Variants in TMC8 observed in about 807,000 individuals in gnomAD.
TMC8 encodes the protein transmembrane channel-like protein 8.
A neutral mutation model predicts 76.0 loss-of-function variants in TMC8; 71 were observed. The ratio of observed to expected loss-of-function variants is 0.93; its 90% CI spans 0.77 to 1.14. TMC8 has a LOEUF of 1.14. Ranked by LOEUF, TMC8 falls within the 50% of genes most tolerant of loss-of-function variation. The probability of loss-of-function intolerance (pLI) is 0.00; values close to 1 mark genes in which losing one functional copy is unlikely to be tolerated. For synonymous variants in TMC8, 433 were observed against 433.8 expected (o/e 1.00, Z 0.02); for missense variants, 924 against 947.9 (o/e 0.97, Z 0.33).
At position 78,133,937 on chromosome 17, in the gene TMC8, C is replaced by T; in HGVS notation, c.753C>T (p.Asp251=). ...GCGCCAAGGTCTTCTCCTCATGGGA[C>T]TTCTGCATCCGGGTGCAGGAAGCAG... The part of the protein sequence containing the change: ...PLSAKVFSSW[D]FCIRVQEAAT... The change falls in exon 7 of 16, where the codon GAC becomes GAT. Residue 251 remains aspartate, a synonymous_variant. Transcript: ENST00000318430. 6.2e-7 allele frequency: 1 copy of T among 1,613,684 alleles called. No homozygotes were observed. Among genetic ancestry groups the T allele is most frequent in the African/African-American group, 1.3e-5 (1 of 75,080 alleles).
chr17:78,138,840 A>G (rs767181308), intron 14 of TMC8, 108 bp downstream of exon 14: 13 of 1,558,770 alleles, frequency 8.3e-6, no homozygotes, highest in Admixed American at 5.6e-5. Flanking sequence ...AGACGCAGAA[A>G]GCCAAGGGAA....
At position 78,141,774 on chromosome 17, in the gene TMC8, G is replaced by A. The variant is rs2075376554; in HGVS notation, c.*662G>A. Reference sequence around the variant, plus strand: ...GACTGAAGCCTGGTGAGAGCGTGCTGGGTCAGCCTCTCCCTGGCGGGAATC... The same window carrying A: ...GACTGAAGCCTGGTGAGAGCGTGCTAGGTCAGCCTCTCCCTGGCGGGAATC... On this transcript the variant is annotated 3_prime_UTR_variant, in exon 16 of 16. Transcript: ENST00000318430. 6.6e-6 allele frequency: 1 copy of A among 152,328 alleles called. No individual in the cohort carries two copies. Among genetic ancestry groups the A allele is most frequent in the African/African-American group, 2.4e-5 (1 of 41,478 alleles). 9.4% of individuals were successfully genotyped at this position (152,328 alleles called of 1,614,324 possible). A position where few individuals can be genotyped will look rare whatever the true frequency, so the allele number is the denominator to read the frequency against.
chr17:78,131,857 C>T (rs549437459), intron 2 of TMC8, 25 bp from the exon 3 acceptor site: 20 of 1,466,468 alleles, frequency 1.4e-5, no homozygotes, highest in African/African-American at 2.8e-5. Flanking sequence ...GACTCAGGGG[C>T]GCCCCTGTCA....
intron 15 of TMC8, 86 bp downstream of exon 15, chr17:78,139,326 A>G (rs2075316036): frequency 6.7e-7 from 1 of 1,503,522 alleles, no homozygotes; most frequent in Admixed American, 1.7e-5. Context: ...AACACGTCTG[A>G]GCGGGTCAGG....
Position 78,131,478 on chromosome 17 carries a change from A to G in TMC8, c.-111A>G, listed in dbSNP as rs560558907. The G allele has an allele frequency of 6.2e-6, 9 of 1,451,712 alleles. No individual in the cohort carries two copies. The South Asian group carries it at 8.6e-5, about 14-fold the overall frequency. The allele number at this position is 1,451,712 out of a possible 1,614,324, so 89.9% of individuals were successfully genotyped here. A position where few individuals can be genotyped will look rare whatever the true frequency, so the allele number is the denominator to read the frequency against. ...AGAGGGGACGGAAGGGCCCGCCCCCAGCCCAGCGTGCACAGAGGCCATAGC... is the reference window on the plus strand; with the variant it reads ...AGAGGGGACGGAAGGGCCCGCCCCCGGCCCAGCGTGCACAGAGGCCATAGC... On this transcript the variant is annotated 5_prime_UTR_variant, in exon 2 of 16. Coordinates refer to ENST00000318430, the MANE Select transcript of TMC8 (RefSeq NM_152468.5).
rs1460418043 is a variant in TMC8 at position 78,131,541 on chromosome 17, C to A, written c.-48C>A. 5.9e-6 allele frequency: 9 copies of A among 1,536,294 alleles called. No individual in the cohort carries two copies. The African/African-American group carries it at 9.6e-5, about 16-fold the overall frequency. On this transcript the variant is annotated 5_prime_UTR_variant, in exon 2 of 16. Coordinates refer to ENST00000318430, the MANE Select transcript of TMC8 (RefSeq NM_152468.5). ...GCTCATCCAACCGGGGACTCATATC[C>A]CCCCCACCGGCAGCCCGGCGCCCCA...
intron 4 of TMC8, 76 bp downstream of exon 4, chr17:78,132,584 C>G (rs1220067768): frequency 1.9e-6 from 3 of 1,550,530 alleles, no homozygotes. Flanking sequence ...GGGCCCAGAG[C>G]GTGGCGACAA....
At chr17:78,132,618 A>G in intron 4 of TMC8, 110 bp downstream of exon 4, 1 of 1,518,856 alleles carries the variant, frequency 6.6e-7, no homozygotes, top group Non-Finnish European at 8.9e-7. Context: ...CCTGCCGTGC[A>G]GGCCCCGGGG....
In TMC8 at chr17:78,139,260, G is replaced by A; in HGVS notation, c.1902+20G>A. ...GTGTGGGTGAGTGTCCTCGGGGCTG[G>A]TGAGGGGACAGCAGCTTCAGTGGAA... is the stretch of plus-strand genomic sequence containing the variant. On this transcript the variant is annotated intron_variant, in intron 15 of 15. Coordinates refer to ENST00000318430, the MANE Select transcript of TMC8 (RefSeq NM_152468.5). The A allele has an allele frequency of 1.2e-6, 2 of 1,612,718 alleles. No homozygotes were observed. Among genetic ancestry groups the A allele is most frequent in the South Asian group, 2.2e-5 (2 of 91,056 alleles).
chr17:78,135,945 C>G (rs1175204731), intron 9 of TMC8, among the ~76,000 whole-genome samples: 3 of 152,006 alleles, frequency 2.0e-5, no homozygotes, highest in Non-Finnish European at 2.9e-5. Flanking sequence ...TCCCAGCTAC[C>G]CGGGAAGCTG....
chr17:78,131,515 G>A lies in TMC8; in HGVS notation c.-74G>A. ...ACAGAGGCCATAGCCAAGGCCTTAA[G>A]GCTCATCCAACCGGGGACTCATATC... On this transcript the variant is annotated 5_prime_UTR_variant, in exon 2 of 16. Transcript: ENST00000318430. 3.3e-6 allele frequency: 5 copies of A among 1,530,254 alleles called. No individual in the cohort carries two copies. In the South Asian group the frequency reaches 6.0e-5, roughly 18 times the overall value. The allele number at this position is 1,530,254 out of a possible 1,614,324, so 94.8% of individuals were successfully genotyped here.
chr17:78,138,870 A>G, intron 14 of TMC8, 138 bp downstream of exon 14: 2 of 1,540,364 alleles, frequency 1.3e-6, no homozygotes, highest in South Asian at 1.2e-5. Flanking sequence ...TCTGAAAAGC[A>G]GGAACCTCCT....
chr17:78,131,763 G>C (rs1458761601), intron 2 of TMC8, 26 bp downstream of exon 2: 16 of 1,566,044 alleles, frequency 1.0e-5, no homozygotes, highest in Non-Finnish European at 1.3e-5. Flanking sequence ...GCGCCAGACG[G>C]TGCGTGGGGG....
chr17:78,138,097 G>C lies in TMC8; in HGVS notation c.1442G>C (p.Gly481Ala). The C allele has an allele frequency of 6.2e-7, 1 of 1,614,020 alleles. No individual in the cohort carries two copies. Among genetic ancestry groups the C allele is most frequent in the Non-Finnish European group, 8.5e-7 (1 of 1,180,012 alleles). The change falls in exon 12 of 16, where the codon GGG becomes GCG. Residue 481 changes from glycine (G) to alanine (A), a missense_variant. Physicochemically the swap from Gly to Ala is moderately conservative, Grantham distance 60. Transcript: ENST00000318430. The stretch of plus-strand genomic sequence containing the variant: ...AAGAATGTGCTGGACATCGTGGCGG[G>C]GCAGACGGTCACCTGGATGGGCCTC... Reference protein sequence around the residue: ...VPKNVLDIVAGQTVTWMGLFY... With the variant: ...VPKNVLDIVAAQTVTWMGLFY...
chr17:78,137,648 AGG>A, intron 10 of TMC8, 67 bp from the exon 11 acceptor site: 1 of 1,405,448 alleles, frequency 7.1e-7, no homozygotes, highest in Non-Finnish European at 1.0e-6. Context: ...AAACCCTCAC[AGG>A]AGGCTAAGGG....
At chr17:78,137,913 G>A in intron 11 of TMC8, 92 bp from the exon 12 acceptor site, 1 of 1,596,994 alleles carries the variant, frequency 6.3e-7, no homozygotes, top group Admixed American at 1.7e-5. Flanking sequence ...CCAGTGTGGA[G>A]CCCGGGAGTA....
chr17:78,136,019 A>C (rs2075218931), intron 9 of TMC8, among the ~76,000 whole-genome samples: 1 of 152,056 alleles, frequency 6.6e-6, no homozygotes, highest in Admixed American at 6.6e-5. Context: ...GCGCCACTAC[A>C]CTCCAGCCTG....
intron 14 of TMC8, 66 bp from the exon 15 acceptor site, chr17:78,139,096 A>G: frequency 6.2e-7 from 1 of 1,600,358 alleles, no homozygotes; most frequent in Non-Finnish European, 8.5e-7. Flanking sequence ...GTGGGGAGAG[A>G]GGAAGTCAGG....
At chr17:78,140,232 G>T (rs891311562) in intron 15 of TMC8, among the ~76,000 whole-genome samples, 1 of 151,998 alleles carries the variant, frequency 6.6e-6, no homozygotes, top group Non-Finnish European at 1.5e-5. Flanking sequence ...GCTGAGGTGG[G>T]AAGATCGCTT....
Sources: gnomAD v4.1 joint callset for allele counts (sites outside exome capture counted in the v4.1 genomes callset) on GRCh38, gnomAD v4.1.1 for gene constraint, MANE v1.5 for transcripts, NCBI Gene and HGNC (gene_info 2026-07-23, HGNC 2026-07-21) for gene names.